The following ZNF614 variants were observed in gnomAD, a reference collection of about 807,000 sequenced individuals.
ZNF614 encodes zinc finger protein 614.
ZNF614 carries 11 observed loss-of-function variants against 12.8 expected under a neutral mutation model. The observed-to-expected ratio is 0.86, with a 90% confidence interval of 0.54 to 1.43. The LOEUF (loss-of-function observed/expected upper bound fraction) is 1.43. Among genes scored for constraint, ZNF614 ranks in the 40% most tolerant of loss-of-function variants. The pLI is 0.00. For synonymous variants in ZNF614, 237 were observed against 237.5 expected (o/e 1.00, Z 0.02); for missense variants, 664 against 708.8 (o/e 0.94, Z 0.72).
In ZNF614 at chr19:52,022,937, G is replaced by A. The variant is rs1157723739; in HGVS notation, c.15+2794C>T. Among the ~76,000 whole-genome samples the A allele has an allele frequency of 5.3e-5, 8 of 151,628 alleles. No individual in the cohort carries two copies. The East Asian group carries it at 1.2e-3, about 22-fold the overall frequency. ...TGTTCAAGAGTACAAAAAATTAGCC[G>A]GGTGTGGTGGTGGGTGCCTGTAGTC... On this transcript the variant is annotated intron_variant, in intron 2 of 4. Coordinates refer to ENST00000270649, the MANE Select transcript of ZNF614 (RefSeq NM_025040.4).
chr19:52,024,387 C>T (rs2086955909), intron 2 of ZNF614, among the ~76,000 whole-genome samples: 2 of 152,140 alleles, frequency 1.3e-5, no homozygotes, highest in South Asian at 4.2e-4. Context: ...TAAGTCTAGA[C>T]AATTAGTGTC....
chr19:52,017,465 A>C, intron 4 of ZNF614, 106 bp from the exon 5 acceptor site: 1 of 1,039,296 alleles, frequency 9.6e-7, no homozygotes, highest in Non-Finnish European at 1.4e-6. Flanking sequence ...GCACTTGGGG[A>C]GGCTGAGGCG....
chr19:52,016,018 T>C lies in ZNF614; in HGVS notation c.1580A>G (p.Asn527Ser), dbSNP rs375579380. ...GKAFTTKSVL[N>S]VHQRTHTGER... is the part of the protein sequence containing the mutation. ...TCCTGTATGCGTTCTTTGATGTACA[T>C]TGAGTACTGACTTTGTGGTGAAGGC... is the stretch of plus-strand genomic sequence containing the variant. Residue 527 changes from asparagine (N) to serine (S), a missense_variant, in exon 5 of 5, where the codon AAT becomes AGT. Physicochemically the swap from Asn to Ser is conservative, Grantham distance 46 (BLOSUM62 1). Transcript: ENST00000270649. 28 of 1,614,066 alleles carry C rather than the reference T, an allele frequency of 1.7e-5. No individual in the cohort carries two copies. The highest frequency in any genetic ancestry group is 4.5e-5 in the East Asian group (2 of 44,892).
At chr19:52,027,624 T>C (rs1037275518) in intron 1 of ZNF614, among the ~76,000 whole-genome samples, 1 of 152,078 alleles carries the variant, frequency 6.6e-6, no homozygotes, top group African/African-American at 2.4e-5. Flanking sequence ...TGATATCCAA[T>C]AAAACTCTGG....
intron 1 of ZNF614, among the ~76,000 whole-genome samples, chr19:52,026,181 G>A (rs1353344791): frequency 6.6e-6 from 1 of 152,234 alleles, no homozygotes; most frequent in Non-Finnish European, 1.5e-5. Flanking sequence ...AGCAGAACCA[G>A]CACAGCACAA....
At position 52,016,822 on chromosome 19, in the gene ZNF614, C is replaced by T. The variant is rs770149152; in HGVS notation, c.776G>A (p.Cys259Tyr). ...HLKTNTTDKI[C>Y]IPNEYRKGST... ...GCCTTTTCTATATTCATTGGGTATACAGATTTTGTCTGTTGTATTAGTTTT... is the reference window on the plus strand; with the variant it reads ...GCCTTTTCTATATTCATTGGGTATATAGATTTTGTCTGTTGTATTAGTTTT... The change falls in exon 5 of 5, where the codon TGT becomes TAT. Residue 259 changes from cysteine (C) to tyrosine (Y), a missense_variant. Cys to Tyr is a radical substitution (Grantham distance 194). Transcript: ENST00000270649. The T allele has an allele frequency of 3.1e-6, 5 of 1,613,820 alleles. No individual in the cohort carries two copies. Among genetic ancestry groups the T allele is most frequent in the Non-Finnish European group, 3.4e-6 (4 of 1,180,034 alleles).
chr19:52,015,904 A>C lies in ZNF614; in HGVS notation c.1694T>G (p.Met565Arg). 2.5e-6 allele frequency: 4 copies of C among 1,614,078 alleles called. No homozygotes were observed. The highest frequency in any genetic ancestry group is 3.4e-6 in the Non-Finnish European group (4 of 1,179,988). Residue 565 changes from methionine to arginine, a missense_variant, in exon 5 of 5, where the codon ATG (methionine) becomes AGG (arginine). Transcript: ENST00000270649. ...GTTTTCAACTTGACTGATTCTACCC[A>C]TTTCTCTTGTGTGCATTTTCTTATG... ...VKHKKMHTREMGRISQVENSC... is the reference protein window; with the variant it reads ...VKHKKMHTRERGRISQVENSC...
intron 2 of ZNF614, among the ~76,000 whole-genome samples, chr19:52,024,122 A>G (rs561446619): frequency 6.6e-6 from 1 of 152,312 alleles, no homozygotes; most frequent in African/African-American, 2.4e-5. Flanking sequence ...GCCCTTCCCC[A>G]TTACCTGACC....
Position 52,013,932 on chromosome 19 carries a change from T to A in ZNF614, c.*1908A>T, listed in dbSNP as rs2086881423. 6.6e-6 allele frequency: 1 copy of A among 152,232 alleles called. No individual in the cohort carries two copies. The highest frequency in any genetic ancestry group is 1.5e-5 in the Non-Finnish European group (1 of 68,030). 9.4% of individuals were successfully genotyped at this position (152,232 alleles called of 1,614,324 possible). ...TTATGGTTATATAGGATATTTTTAC[T>A]AGAAATTGGTTGAAGGATACTAGCA... On this transcript the variant is annotated 3_prime_UTR_variant, in exon 5 of 5. Transcript: ENST00000270649.
rs772450490 is a variant in ZNF614, at chr19:52,016,741, G to A, written c.857C>T (p.Ser286Phe). 5.6e-6 allele frequency: 9 copies of A among 1,614,138 alleles called. No homozygotes were observed. Among genetic ancestry groups the A allele is most frequent in the Non-Finnish European group, 7.6e-6 (9 of 1,180,034 alleles). ...CTTTCCACACTCACTGCACATATAG[G>A]ATTTCTCTTCTGTATGGGTTTGTTG... ...THQQTHTEEK[S>F]YMCSECGKGF... Residue 286 changes from serine (S) to phenylalanine (F), a missense_variant, in exon 5 of 5, where the codon TCC becomes TTC. Coordinates refer to ENST00000270649, the MANE Select transcript of ZNF614 (RefSeq NM_025040.4).
chr19:52,015,732 G>A lies in ZNF614; in HGVS notation c.*108C>T. On this transcript the variant is annotated 3_prime_UTR_variant, in exon 5 of 5. Transcript: ENST00000270649. ...CACATCTGTCAACAGGCAGCACCAT[G>A]TTTATGTTCCAATTGGCTAGAAACA... is the stretch of plus-strand genomic sequence containing the variant. 1 of 1,073,008 alleles carries A rather than the reference G, an allele frequency of 9.3e-7. No homozygotes were observed. Among genetic ancestry groups the A allele is most frequent in the Admixed American group, 2.3e-5 (1 of 43,482 alleles). The allele number at this position is 1,073,008 out of a possible 1,614,324, so 66.5% of individuals were successfully genotyped here. A position where few individuals can be genotyped will look rare whatever the true frequency, so the allele number is the denominator to read the frequency against.
chr19:52,016,201 T>C lies in ZNF614; in HGVS notation c.1397A>G (p.Gln466Arg). The change falls in exon 5 of 5, where the codon CAG (glutamine) becomes CGG (arginine). Residue 466 changes from glutamine to arginine, a missense_variant. Physicochemically the swap from Gln to Arg is conservative, Grantham distance 43. Transcript: ENST00000270649. ...ECNECGKAFS[Q>R]KICLIQHERC... Reference sequence around the variant, plus strand: ...CTCATGTTGTATGAGGCATATTTTCTGGCTGAAGGCTTTACCACATTCATT... The same window carrying C: ...CTCATGTTGTATGAGGCATATTTTCCGGCTGAAGGCTTTACCACATTCATT... 6.2e-7 allele frequency: 1 copy of C among 1,614,228 alleles called. No homozygotes were observed. Among genetic ancestry groups the C allele is most frequent in the Non-Finnish European group, 8.5e-7 (1 of 1,180,038 alleles).
At chr19:52,026,786 T>C (rs2086977556) in intron 1 of ZNF614, among the ~76,000 whole-genome samples, 1 of 152,236 alleles carries the variant, frequency 6.6e-6, no homozygotes, top group South Asian at 2.1e-4. Context: ...AAAACCGCCT[T>C]AGGGCTGGAG....
rs1321962247 is a variant in ZNF614 at position 52,014,124 on chromosome 19, A to T, written c.*1716T>A. 1.3e-5 allele frequency: 2 copies of T among 152,254 alleles called. No individual in the cohort carries two copies. The highest frequency in any genetic ancestry group is 2.9e-5 in the Non-Finnish European group (2 of 68,052). The allele number at this position is 152,254 out of a possible 1,614,324, so 9.4% of individuals were successfully genotyped here. On this transcript the variant is annotated 3_prime_UTR_variant, in exon 5 of 5. Coordinates refer to ENST00000270649, the MANE Select transcript of ZNF614 (RefSeq NM_025040.4). ...ACTTAAGTTTGCTTAATGTACAATT[A>T]AGCTCAGAGCCAAAGAAAGGAAAAG... is the stretch of plus-strand genomic sequence containing the variant.
At chr19:52,018,875 T>G (rs2086917480) in intron 2 of ZNF614, among the ~76,000 whole-genome samples, 1 of 152,226 alleles carries the variant, frequency 6.6e-6, no homozygotes, top group African/African-American at 2.4e-5. Flanking sequence ...TATTTATTTT[T>G]TAATTTTTAA....
chr19:52,025,814 G>C lies in ZNF614; in HGVS notation c.-69C>G, dbSNP rs992407824. 1.9e-6 allele frequency: 3 copies of C among 1,540,616 alleles called. No individual in the cohort carries two copies. Among genetic ancestry groups the C allele is most frequent in the Non-Finnish European group, 2.7e-6 (3 of 1,128,634 alleles). On this transcript the variant is annotated 5_prime_UTR_variant, in exon 2 of 5. Coordinates refer to ENST00000270649, the MANE Select transcript of ZNF614 (RefSeq NM_025040.4). ...TCTTTGTCTCTTCTGCATTTGCCAT[G>C]AAGTTTTTGAAGTTTTCCTAGTCAG...
chr19:52,027,472 T>G (rs373350446), intron 1 of ZNF614, among the ~76,000 whole-genome samples: 42 of 152,320 alleles, frequency 2.8e-4, no homozygotes, highest in African/African-American at 9.4e-4. Context: ...ATCAGGGCAA[T>G]TTAAGCCATG....
At position 52,016,570 on chromosome 19, in the gene ZNF614, T is replaced by C. The variant is rs150379432; in HGVS notation, c.1028A>G (p.Tyr343Cys). 6 of 1,614,222 alleles carry C rather than the reference T, an allele frequency of 3.7e-6. No homozygotes were observed. The highest frequency in any genetic ancestry group is 2.2e-5 in the South Asian group (2 of 91,084). The change falls in exon 5 of 5, where the codon TAT (tyrosine) becomes TGT (cysteine). Residue 343 changes from tyrosine to cysteine, a missense_variant. Tyr to Cys is a radical substitution (Grantham distance 194). Transcript: ENST00000270649. ...HQRTHTGEKP[Y>C]ICSECGKGFT... ...GCCTTTTCCACATTCACTGCATATA[T>C]AGGGTTTCTCCCCTGTATGAGTTCG...
At chr19:52,025,221 A>C (rs2086963323) in intron 2 of ZNF614, among the ~76,000 whole-genome samples, 1 of 152,216 alleles carries the variant, frequency 6.6e-6, no homozygotes, top group South Asian at 2.1e-4. Flanking sequence ...TTAAAATGAC[A>C]ACCATAGTTC....
Sources: gnomAD v4.1 joint callset for allele counts (sites outside exome capture counted in the v4.1 genomes callset) on GRCh38, gnomAD v4.1.1 for gene constraint, MANE v1.5 for transcripts, NCBI Gene and HGNC (gene_info 2026-07-23, HGNC 2026-07-21) for gene names.